Variants in PTK2 observed in about 807,000 individuals in gnomAD.
The protein encoded by PTK2 is protein tyrosine kinase 2, also known as focal adhesion kinase 1.
A neutral mutation model predicts 150.1 loss-of-function variants in PTK2; 45 were observed. That is an observed-to-expected ratio of 0.30 (90% CI 0.24 to 0.38). The LOEUF (loss-of-function observed/expected upper bound fraction) is 0.38. Among genes scored for constraint, PTK2 ranks in the 10% least tolerant of loss-of-function variants. The pLI, the probability that PTK2 is intolerant of heterozygous loss-of-function variation, is 1.00. For missense variants in PTK2, 919 were observed against 1,307.3 expected (o/e 0.70, Z 4.58); for synonymous variants, 432 against 449.2 (o/e 0.96, Z 0.48).
chr8:140,751,927 G>A (rs1390689747), intron 17 of PTK2: 1 of 549,668 alleles, frequency 1.8e-6, no homozygotes, highest in Non-Finnish European at 3.6e-6. Context: ...GGTCTGGGCA[G>A]CATCAACATT....
chr8:140,729,431 AATT>A lies in PTK2; in HGVS notation c.2030+5817_2030+5819del, dbSNP rs372733805. Among the ~76,000 whole-genome samples the A allele has an allele frequency of 1.8e-3, 272 of 152,300 alleles. 1 individual carries two copies. The highest frequency in any genetic ancestry group is 6.1e-3 in the African/African-American group (254 of 41,570). Reference sequence around the variant, plus strand: ...CAAATCGGCTCCCCACTGTATGTGAAATTATTGTGTTCCACAGAAGCAAAATAC... The same window carrying A: ...CAAATCGGCTCCCCACTGTATGTGAAATTGTGTTCCACAGAAGCAAAATAC... On this transcript the variant is annotated intron_variant, in intron 22 of 31. Coordinates refer to ENST00000522684, the Ensembl canonical transcript of PTK2.
At chr8:140,973,329 G>C (rs2100188064) in intron 1 of PTK2, among the ~76,000 whole-genome samples, 1 of 152,108 alleles carries the variant, frequency 6.6e-6, no homozygotes, top group East Asian at 1.9e-4. Flanking sequence ...CTTTGGATGG[G>C]GCTGGAGAGT....
intron 23 of PTK2, 113 bp downstream of exon 26, chr8:140,717,485 A>T: frequency 1.3e-6 from 1 of 788,006 alleles, no homozygotes; most frequent in Non-Finnish European, 2.2e-6. Context: ...TATAACTATT[A>T]CTCTTAGAAT....
At chr8:140,827,781 G>A (rs1166634990) in intron 8 of PTK2, among the ~76,000 whole-genome samples, 3 of 152,094 alleles carry the variant, frequency 2.0e-5, no homozygotes, top group Admixed American at 1.3e-4. Flanking sequence ...GGTGTAGAGT[G>A]GAGACAGCAA....
At chr8:140,742,529 T>G (rs920001025) in intron 20 of PTK2, among the ~76,000 whole-genome samples, 1 of 152,228 alleles carries the variant, frequency 6.6e-6, no homozygotes, top group Non-Finnish European at 1.5e-5. Flanking sequence ...TGCCAGCATA[T>G]TCTTTATTTT....
intron 23 of PTK2, among the ~76,000 whole-genome samples, chr8:140,711,614 A>G (rs575176052): frequency 1.6e-4 from 25 of 152,330 alleles, no homozygotes; most frequent in African/African-American, 4.8e-4. Context: ...TGTTTCATTT[A>G]AACTTTACCA....
intron 27 of PTK2, among the ~76,000 whole-genome samples, chr8:140,677,308 G>A (rs1221915768): frequency 6.6e-6 from 1 of 151,938 alleles, no homozygotes; most frequent in African/African-American, 2.4e-5. Context: ...CACTGTGTGT[G>A]TCAGGACCTG....
At chr8:140,739,854 C>T (rs1399608301) in intron 20 of PTK2, among the ~76,000 whole-genome samples, 2 of 152,190 alleles carry the variant, frequency 1.3e-5, no homozygotes, top group Non-Finnish European at 2.9e-5. Context: ...CCTTGCTGAA[C>T]CTCAGCTGCA....
intron 10 of PTK2, 67 bp downstream of exon 10, chr8:140,818,210 C>T (rs1287300419): frequency 3.7e-6 from 5 of 1,364,642 alleles, no homozygotes; most frequent in Admixed American, 1.7e-5. Context: ...CAAAAGAATG[C>T]CCCATTTCCT....
In PTK2 at chr8:140,754,120, C is replaced by G. The variant is rs202207429; in HGVS notation, c.1333-1804G>C. Among the ~76,000 whole-genome samples the G allele has an allele frequency of 8.5e-5, 13 of 152,300 alleles. No homozygotes were observed. The East Asian group carries it at 2.5e-3, about 29-fold the overall frequency. ...AATCTGAATGGTAAGAGAACTGTAT[C>G]ATCGACTCAGGGACTGCATTCCCTT... On this transcript the variant is annotated intron_variant, in intron 16 of 31. Transcript: ENST00000522684.
intron 12 of PTK2, among the ~76,000 whole-genome samples, chr8:140,796,552 T>G (rs999631112): frequency 6.6e-6 from 1 of 152,158 alleles, no homozygotes; most frequent in Non-Finnish European, 1.5e-5. Context: ...CATTATTATA[T>G]TTTTGCCTAA....
chr8:140,681,338 G>A (rs992629456), intron 27 of PTK2, among the ~76,000 whole-genome samples: 7 of 149,812 alleles, frequency 4.7e-5, no homozygotes, highest in South Asian at 2.1e-4. Flanking sequence ...AGGTGACAGC[G>A]CGAGACTCCG....
rs143510792 is a variant in PTK2, at chr8:140,680,475, C to T, written c.2563-4976G>A. ...GAACTCCTGACCTCAGGTGATCCACCGCTCCTGGCCACAAGTTCTTATTAA... is the reference window on the plus strand; with the variant it reads ...GAACTCCTGACCTCAGGTGATCCACTGCTCCTGGCCACAAGTTCTTATTAA... On this transcript the variant is annotated intron_variant, in intron 27 of 31. Transcript: ENST00000522684. Among the ~76,000 whole-genome samples, 54 of 152,240 alleles carry T rather than the reference C, an allele frequency of 3.5e-4. No individual in the cohort carries two copies. The East Asian group carries it at 4.8e-3, about 14-fold the overall frequency.
chr8:140,869,711 C>T (rs530576459), intron 4 of PTK2, among the ~76,000 whole-genome samples: 28 of 151,896 alleles, frequency 1.8e-4, no homozygotes, highest in African/African-American at 6.8e-4. Context: ...TCAATTCATA[C>T]ACAAAGACAA....
At position 140,665,118 on chromosome 8, in the gene PTK2, C is replaced by T; in HGVS notation, c.2866-121G>A. 3 of 865,292 alleles carry T rather than the reference C, an allele frequency of 3.5e-6. No individual in the cohort carries two copies. The South Asian group carries it at 5.3e-5, about 15-fold the overall frequency. 53.6% of individuals were successfully genotyped at this position (865,292 alleles called of 1,614,324 possible). A position where few individuals can be genotyped will look rare whatever the true frequency, so the allele number is the denominator to read the frequency against. ...AAGGCAAATTTCTGTATTTCTTTTT[C>T]TCAGTGCTTAGCCCTATCTTGTAAG... On this transcript the variant is annotated intron_variant, in intron 30 of 31. Coordinates refer to ENST00000522684, the Ensembl canonical transcript of PTK2.
intron 2 of PTK2, among the ~76,000 whole-genome samples, chr8:140,911,182 C>A (rs762977044): frequency 2.0e-5 from 3 of 152,064 alleles, no homozygotes; most frequent in Non-Finnish European, 2.9e-5. Flanking sequence ...TGAGCCACAG[C>A]ACCCAGCACT....
chr8:140,981,307 G>A (rs770759414), intron 1 of PTK2, among the ~76,000 whole-genome samples: 12 of 152,142 alleles, frequency 7.9e-5, no homozygotes, highest in Middle Eastern at 3.4e-3. Context: ...AACACTGAGC[G>A]GGGCCAAGGA....
At chr8:140,783,393 A>C (rs1566278268) in intron 14 of PTK2, among the ~76,000 whole-genome samples, 1 of 152,198 alleles carries the variant, frequency 6.6e-6, no homozygotes, top group Non-Finnish European at 1.5e-5. Context: ...TTTATGTGTA[A>C]AGTGAAAATA....
At chr8:140,704,794 GA>G (rs2154131642) in intron 24 of PTK2, among the ~76,000 whole-genome samples, 1 of 152,220 alleles carries the variant, frequency 6.6e-6, no homozygotes, top group East Asian at 1.9e-4. Flanking sequence ...TTCACTTATG[GA>G]AATGGTAGTA....
Sources: gnomAD v4.1 joint callset for allele counts (sites outside exome capture counted in the v4.1 genomes callset) on GRCh38, gnomAD v4.1.1 for gene constraint, MANE v1.5 for transcripts, NCBI Gene and HGNC (gene_info 2026-07-23, HGNC 2026-07-21) for gene names.